Variants in SERPINB12 observed in about 807,000 individuals in gnomAD.
The protein encoded by SERPINB12 is serpin B12.
In SERPINB12, 57 loss-of-function variants were observed where a neutral mutation model predicts 41.1. That is an observed-to-expected ratio of 1.39 (90% CI 1.12 to 1.73). SERPINB12 has a LOEUF of 1.73. Among genes scored for constraint, SERPINB12 ranks in the 40% most tolerant of loss-of-function variants. The probability of loss-of-function intolerance (pLI) is 0.00; values close to 1 mark genes in which losing one functional copy is unlikely to be tolerated. For synonymous variants in SERPINB12, 180 were observed against 181.3 expected (o/e 0.99, Z 0.06); for missense variants, 536 against 501.9 (o/e 1.07, Z -0.65).
chr18:63,554,299 A>G (rs1910606743), intron 1 of SERPINB12, among the ~76,000 whole-genome samples: 1 of 152,196 alleles, frequency 6.6e-6, no homozygotes. Context: ...AGAAGGAATG[A>G]TCATATCTAC....
chr18:63,546,526 A>G (rs1237255701), intron 1 of SERPINB12, among the ~76,000 whole-genome samples: 1 of 152,224 alleles, frequency 6.6e-6, no homozygotes, highest in Non-Finnish European at 1.5e-5. Context: ...TGCAAATCCT[A>G]TGTAATAACT....
At chr18:63,560,270 C>A (rs560270658) in intron 4 of SERPINB12, among the ~76,000 whole-genome samples, 47 of 152,314 alleles carry the variant, frequency 3.1e-4, no homozygotes, top group Admixed American at 4.6e-4. Context: ...GCTGTGTCTC[C>A]ATCTGGGCTT....
rs1019089698 is a variant in SERPINB12, at chr18:63,559,298, T to C, written c.304-280T>C. Among the ~76,000 whole-genome samples, 14 of 152,000 alleles carry C rather than the reference T, an allele frequency of 9.2e-5. 1 individual carries two copies. Among genetic ancestry groups the C allele is most frequent in the Admixed American group, 7.9e-4 (12 of 15,250 alleles). ...TTGAAATGTAAAGAAAATCAGAGTG[T>C]GTCAGTCTGAAATATAGTGAGCGTT... On this transcript the variant is annotated intron_variant, in intron 3 of 7. Transcript: ENST00000382768.
the SERPINB12 span, among the ~76,000 whole-genome samples, chr18:63,525,689 A>C: frequency 6.6e-6 from 1 of 152,164 alleles, no homozygotes; most frequent in African/African-American, 2.4e-5. Context: ...TATAGTTACC[A>C]AATTTATTTT....
chr18:63,532,834 A>G, the SERPINB12 span, among the ~76,000 whole-genome samples: 1 of 152,120 alleles, frequency 6.6e-6, no homozygotes, highest in Non-Finnish European at 1.5e-5. Context: ...GCAGAAGCAA[A>G]CCCCATCGCC....
the SERPINB12 span, among the ~76,000 whole-genome samples, chr18:63,532,806 A>G: frequency 6.6e-6 from 1 of 152,182 alleles, no homozygotes; most frequent in Non-Finnish European, 1.5e-5. Flanking sequence ...TTGAAAAGTA[A>G]GGAAAACAAC....
chr18:63,523,020 C>T, the SERPINB12 span, among the ~76,000 whole-genome samples: 5 of 151,954 alleles, frequency 3.3e-5, no homozygotes, highest in East Asian at 9.6e-4. Context: ...TTAATTCAGC[C>T]TAATTTAGTT....
At chr18:63,535,123 T>C in the SERPINB12 span, among the ~76,000 whole-genome samples, 1 of 152,160 alleles carries the variant, frequency 6.6e-6, no homozygotes, top group Non-Finnish European at 1.5e-5. Flanking sequence ...AGAATACTGG[T>C]TAGAAAATAA....
At chr18:63,566,475 A>G in intron 7 of SERPINB12, 132 bp from the exon 8 acceptor site, 1 of 768,170 alleles carries the variant, frequency 1.3e-6, no homozygotes, top group Admixed American at 2.4e-5. Flanking sequence ...AAATCAGACT[A>G]TTCTCTAGCT....
intron 1 of SERPINB12, among the ~76,000 whole-genome samples, chr18:63,552,133 A>G (rs540510270): frequency 7.9e-5 from 12 of 152,326 alleles, no homozygotes; most frequent in Admixed American, 1.3e-4. Flanking sequence ...GGGTTCTGCT[A>G]TCTCTTTGTG....
the SERPINB12 span, among the ~76,000 whole-genome samples, chr18:63,534,779 G>T: frequency 6.6e-6 from 1 of 152,070 alleles, no homozygotes; most frequent in Non-Finnish European, 1.5e-5. Flanking sequence ...TAACACATTT[G>T]TCTTTGTGGC....
chr18:63,532,662 G>A, the SERPINB12 span, among the ~76,000 whole-genome samples: 3 of 152,148 alleles, frequency 2.0e-5, no homozygotes, highest in Admixed American at 6.5e-5. Context: ...GATTAAAGAG[G>A]TTGTCTCTAT....
At chr18:63,548,552 A>AT in intron 1 of SERPINB12, among the ~76,000 whole-genome samples, 2 of 152,098 alleles carry the variant, frequency 1.3e-5, no homozygotes, top group South Asian at 2.1e-4. Context: ...AACAGGGGAA[A>AT]TTTTTTTAAA....
the SERPINB12 span, among the ~76,000 whole-genome samples, chr18:63,520,329 G>A: frequency 6.6e-6 from 1 of 152,178 alleles, no homozygotes; most frequent in Non-Finnish European, 1.5e-5. Flanking sequence ...GATTTCTCAG[G>A]CAGGTTAAGG....
chr18:63,556,124 C>CTTTTTTTT lies in SERPINB12; in HGVS notation c.-18-16_-18-9dup. ...TTCCAATCACCATTTTCTCTTTCTC[C>CTTTTTTTT]TTTTTTTTTGGTTTTAGATCGTTAT... On this transcript the variant is annotated splice_polypyrimidine_tract_variant and intron_variant, in intron 1 of 7. Transcript: ENST00000382768. 1 of 1,507,282 alleles carries CTTTTTTTT rather than the reference C, an allele frequency of 6.6e-7. No homozygotes were observed. Among genetic ancestry groups the CTTTTTTTT allele is most frequent in the Non-Finnish European group, 9.0e-7 (1 of 1,105,194 alleles). 93.4% of individuals were successfully genotyped at this position (1,507,282 alleles called of 1,614,324 possible). A position where few individuals can be genotyped will look rare whatever the true frequency, so the allele number is the denominator to read the frequency against.
At chr18:63,524,984 A>G in the SERPINB12 span, among the ~76,000 whole-genome samples, 1 of 151,928 alleles carries the variant, frequency 6.6e-6, no homozygotes, top group Non-Finnish European at 1.5e-5. Context: ...TCCTGACCTC[A>G]GGTGATCTAC....
the SERPINB12 span, among the ~76,000 whole-genome samples, chr18:63,529,634 A>G: frequency 3.2e-4 from 48 of 152,012 alleles, no homozygotes; most frequent in Non-Finnish European, 3.5e-4. Context: ...AAAATCATGT[A>G]TTGGAATATT....
chr18:63,536,248 A>T, the SERPINB12 span, among the ~76,000 whole-genome samples: 1 of 151,988 alleles, frequency 6.6e-6, no homozygotes, highest in African/African-American at 2.4e-5. Flanking sequence ...ATACGTTTTG[A>T]AAGAAATAAC....
chr18:63,543,738 C>T (rs563805962), intron 1 of SERPINB12, among the ~76,000 whole-genome samples: 2 of 151,980 alleles, frequency 1.3e-5, no homozygotes, highest in East Asian at 3.9e-4. Flanking sequence ...GGGATTATAG[C>T]CTCCTGTAGC....
Sources: allele counts gnomAD v4.1 joint callset (sites outside exome capture counted in the v4.1 genomes callset), GRCh38; gene constraint gnomAD v4.1.1; transcripts MANE v1.5; gene names NCBI Gene and HGNC (gene_info 2026-07-23, HGNC 2026-07-21).